Variants in ADAMTSL1 observed in about 807,000 individuals in gnomAD.
ADAMTSL1 encodes the protein ADAMTS like 1, also known as ADAMTS-like protein 1.
A neutral mutation model predicts 201.8 loss-of-function variants in ADAMTSL1; 126 were observed. The ratio of observed to expected loss-of-function variants is 0.62; its 90% CI spans 0.54 to 0.72. The LOEUF (loss-of-function observed/expected upper bound fraction) is 0.72, where lower values mean the gene tolerates loss of function less well. Among genes scored for constraint, ADAMTSL1 ranks in the 30% least tolerant of loss-of-function variants. The pLI, the probability that ADAMTSL1 is intolerant of heterozygous loss-of-function variation, is 0.00. For missense variants in ADAMTSL1, 2,679 were observed against 2,277.8 expected, an observed-to-expected ratio of 1.18 and a Z score of -3.59; for synonymous variants, 1,121 against 903.4, an observed-to-expected ratio of 1.24 and a Z score of -4.32.
At chr9:18,328,425 G>A (rs1253589339) in intron 2 of ADAMTSL1, among the ~76,000 whole-genome samples, 9 of 152,144 alleles carry the variant, frequency 5.9e-5, no homozygotes, top group African/African-American at 7.2e-5. Context: ...AGCTCTTACT[G>A]CATACCAGGT....
At chr9:18,520,986 C>T (rs1412585942) in intron 2 of ADAMTSL1, among the ~76,000 whole-genome samples, 1 of 151,976 alleles carries the variant, frequency 6.6e-6, no homozygotes, top group African/African-American at 2.4e-5. Flanking sequence ...CCCAAAGCAC[C>T]AAGAACCTCT....
intron 1 of ADAMTSL1, among the ~76,000 whole-genome samples, chr9:18,134,370 G>C (rs541689164): frequency 6.6e-6 from 1 of 152,260 alleles, no homozygotes; most frequent in African/African-American, 2.4e-5. Context: ...GATGTCTTGG[G>C]AGCATAGCCA....
intron 2 of ADAMTSL1, among the ~76,000 whole-genome samples, chr9:18,463,357 CTTCTT>C (rs1820880415): frequency 1.3e-5 from 2 of 151,890 alleles, no homozygotes; most frequent in Non-Finnish European, 2.9e-5. Flanking sequence ...TCTTTTTTCT[CTTCTT>C]TAAAAATTTT....
chr9:18,294,138 G>T (rs576211083), intron 2 of ADAMTSL1, among the ~76,000 whole-genome samples: 1 of 152,116 alleles, frequency 6.6e-6, no homozygotes, highest in African/African-American at 2.4e-5. Context: ...TGAAATACCT[G>T]TAATTGCCAA....
At chr9:18,677,971 A>G (rs1830221117) in intron 10 of ADAMTSL1, among the ~76,000 whole-genome samples, 1 of 152,222 alleles carries the variant, frequency 6.6e-6, no homozygotes, top group East Asian at 1.9e-4. Flanking sequence ...GCAGCTACCC[A>G]CTGATCAAGG....
At chr9:18,116,229 A>G (rs1825242850) in intron 1 of ADAMTSL1, among the ~76,000 whole-genome samples, 1 of 152,196 alleles carries the variant, frequency 6.6e-6, no homozygotes, top group Non-Finnish European at 1.5e-5. Context: ...GGACTACATA[A>G]TTGTAGTAGT....
intron 7 of ADAMTSL1, among the ~76,000 whole-genome samples, chr9:18,644,443 T>C: frequency 6.6e-6 from 1 of 152,098 alleles, no homozygotes; most frequent in East Asian, 1.9e-4. Context: ...ATGTGCAGGT[T>C]AGTTACATAT....
intron 2 of ADAMTSL1, among the ~76,000 whole-genome samples, chr9:18,345,555 A>G (rs1310863042): frequency 6.6e-6 from 1 of 152,192 alleles, no homozygotes; most frequent in Non-Finnish European, 1.5e-5. Flanking sequence ...AGATACCACT[A>G]CTAAAAACAG....
intron 23 of ADAMTSL1, among the ~76,000 whole-genome samples, chr9:18,884,367 T>C (rs971466312): frequency 6.6e-6 from 1 of 152,204 alleles, no homozygotes; most frequent in African/African-American, 2.4e-5. Flanking sequence ...TTCTGTGAGT[T>C]GCTTTTTCAC....
At chr9:18,255,762 C>T (rs1220788010) in intron 2 of ADAMTSL1, among the ~76,000 whole-genome samples, 1 of 152,096 alleles carries the variant, frequency 6.6e-6, no homozygotes, top group Non-Finnish European at 1.5e-5. Flanking sequence ...GTCGAAATCC[C>T]ACTCCTTGCC....
intron 4 of ADAMTSL1, among the ~76,000 whole-genome samples, chr9:18,616,631 T>C (rs571007868): frequency 5.4e-4 from 82 of 152,328 alleles, no homozygotes; most frequent in African/African-American, 1.9e-3. Flanking sequence ...CAACTGCTTA[T>C]GTGTTCCTAT....
At chr9:18,020,205 G>C (rs1405143992) in intron 1 of ADAMTSL1, among the ~76,000 whole-genome samples, 2 of 152,042 alleles carry the variant, frequency 1.3e-5, no homozygotes, top group Non-Finnish European at 1.5e-5. Context: ...GAATCATTGG[G>C]GGTTGGGGAG....
intron 2 of ADAMTSL1, among the ~76,000 whole-genome samples, chr9:18,409,383 C>CA (rs781106126): frequency 0.011 from 822 of 76,970 alleles, 8 homozygotes; most frequent in Middle Eastern, 0.015. Context: ...AACTCCGTCT[C>CA]AAAAAAAAAA....
At chr9:17,979,867 G>A (rs1275630033) in intron 1 of ADAMTSL1, among the ~76,000 whole-genome samples, 1 of 152,142 alleles carries the variant, frequency 6.6e-6, no homozygotes, top group Non-Finnish European at 1.5e-5. Flanking sequence ...GAGTCCTTGG[G>A]TAGGCTAGAC....
chr9:17,999,851 G>A (rs1033477523), intron 1 of ADAMTSL1, among the ~76,000 whole-genome samples: 10 of 149,708 alleles, frequency 6.7e-5, no homozygotes, highest in East Asian at 2.0e-4. Context: ...GAGAATATGC[G>A]GTGTTTGGTT....
chr9:18,066,824 C>T (rs1363486736), intron 1 of ADAMTSL1, among the ~76,000 whole-genome samples: 9 of 152,168 alleles, frequency 5.9e-5, no homozygotes, highest in Non-Finnish European at 1.3e-4. Flanking sequence ...ATGATGAGTT[C>T]ATGTCCTTTG....
chr9:18,740,551 A>G (rs1258257139), intron 15 of ADAMTSL1, among the ~76,000 whole-genome samples: 1 of 137,894 alleles, frequency 7.3e-6, no homozygotes, highest in African/African-American at 2.8e-5. Context: ...ATCTCAGCTC[A>G]TTGCAGCCTC....
intron 2 of ADAMTSL1, among the ~76,000 whole-genome samples, chr9:18,244,955 C>T (rs1831204287): frequency 6.6e-6 from 1 of 152,148 alleles, no homozygotes; most frequent in African/African-American, 2.4e-5. Flanking sequence ...TTGGATTGAA[C>T]TGTCCCAAAC....
intron 1 of ADAMTSL1, among the ~76,000 whole-genome samples, chr9:17,993,027 T>C (rs1819224028): frequency 6.6e-6 from 1 of 152,182 alleles, no homozygotes; most frequent in Admixed American, 6.6e-5. Context: ...AGCCAATTTA[T>C]GGGTTATAAA....
Sources: gnomAD v4.1 joint callset for allele counts (sites outside exome capture counted in the v4.1 genomes callset) on GRCh38, gnomAD v4.1.1 for gene constraint, MANE v1.5 for transcripts, NCBI Gene and HGNC (gene_info 2026-07-23, HGNC 2026-07-21) for gene names.